PPP4R4: variants seen among roughly 807,000 people sequenced by gnomAD.
PPP4R4 encodes the protein protein phosphatase 4 regulatory subunit 4, also known as serine/threonine-protein phosphatase 4 regulatory subunit 4.
A neutral mutation model predicts 121.8 loss-of-function variants in PPP4R4; 70 were observed. The ratio of observed to expected loss-of-function variants is 0.57; its 90% CI spans 0.47 to 0.70. PPP4R4 has a LOEUF of 0.70. PPP4R4 is among the 30% of genes least tolerant of loss of function. PPP4R4 has a pLI of 0.00. For synonymous variants in PPP4R4, 348 were observed against 355.7 expected, an observed-to-expected ratio of 0.98 and a Z score of 0.24; for missense variants, 875 against 1,033.6, an observed-to-expected ratio of 0.85 and a Z score of 2.10.
rs544471119 is a variant in PPP4R4, at chr14:94,221,893, A to T, written c.295-8694A>T. Among the ~76,000 whole-genome samples the T allele has an allele frequency of 3.3e-5, 5 of 152,254 alleles. No homozygotes were observed. The East Asian group carries it at 9.6e-4, about 29-fold the overall frequency. On this transcript the variant is annotated intron_variant, in intron 3 of 24. Coordinates refer to ENST00000304338, the MANE Select transcript of PPP4R4 (RefSeq NM_058237.2). ...CATCTTTTCATATAAAGTCTTATAC[A>T]TGAATGTTCATTGCAGCTTTACTTG...
chr14:94,206,407 C>G (rs1890462937), intron 2 of PPP4R4, among the ~76,000 whole-genome samples: 1 of 151,952 alleles, frequency 6.6e-6, no homozygotes, highest in East Asian at 1.9e-4. Flanking sequence ...TTTTTAAAAT[C>G]CACTCTGCCA....
chr14:94,235,461 G>A (rs112717992), intron 7 of PPP4R4, among the ~76,000 whole-genome samples: 10,257 of 140,584 alleles, frequency 0.073, 573 homozygotes, highest in Admixed American at 0.17. Flanking sequence ...GTGCAGTGGC[G>A]CGATCTCGGC....
chr14:94,258,200 G>A (rs1893580434), intron 17 of PPP4R4, among the ~76,000 whole-genome samples: 1 of 152,134 alleles, frequency 6.6e-6, no homozygotes, highest in African/African-American at 2.4e-5. Context: ...GGCCATTAGG[G>A]TTACTCTTGT....
At chr14:94,240,443 A>G (rs1892567411) in intron 8 of PPP4R4, among the ~76,000 whole-genome samples, 1 of 152,166 alleles carries the variant, frequency 6.6e-6, no homozygotes, top group African/African-American at 2.4e-5. Flanking sequence ...AATGGCCTGC[A>G]GTATGAAGTC....
intron 3 of PPP4R4, among the ~76,000 whole-genome samples, chr14:94,213,002 T>TA (rs1890824314): frequency 6.6e-6 from 1 of 152,188 alleles, no homozygotes; most frequent in Non-Finnish European, 1.5e-5. Context: ...CAGGCACAGA[T>TA]AAAAATAATG....
At position 94,270,822 on chromosome 14, in the gene PPP4R4, A is replaced by T. The variant is rs543993269; in HGVS notation, c.2449+3793A>T. On this transcript the variant is annotated intron_variant, in intron 23 of 24. Transcript: ENST00000304338. Reference sequence around the variant, plus strand: ...GGTCCCAGATACTCGGGAGGCTGAGACAGGAGAATCGCTTGAACCTGGGAG... The same window carrying T: ...GGTCCCAGATACTCGGGAGGCTGAGTCAGGAGAATCGCTTGAACCTGGGAG... Among the ~76,000 whole-genome samples the T allele has an allele frequency of 5.9e-4, 89 of 151,898 alleles. No individual in the cohort carries two copies. In the South Asian group the frequency reaches 0.018, roughly 31 times the overall value.
intron 3 of PPP4R4, among the ~76,000 whole-genome samples, chr14:94,214,056 A>G (rs772063049): frequency 1.3e-5 from 2 of 152,156 alleles, no homozygotes; most frequent in Admixed American, 6.5e-5. Flanking sequence ...GTTTCTCACT[A>G]TACCCCCGGA....
At chr14:94,271,546 A>T (rs1894329183) in intron 23 of PPP4R4, among the ~76,000 whole-genome samples, 1 of 152,232 alleles carries the variant, frequency 6.6e-6, no homozygotes, top group South Asian at 2.1e-4. Context: ...AAACCTACAG[A>T]TAACATCACA....
intron 2 of PPP4R4, among the ~76,000 whole-genome samples, chr14:94,180,962 C>A (rs1033702): frequency 0.13 from 19,271 of 152,018 alleles, 1,356 homozygotes; most frequent in Admixed American, 0.21. Context: ...TTCTTGGGTT[C>A]AAGACTAGGA....
At chr14:94,206,128 A>C (rs1399885192) in intron 2 of PPP4R4, among the ~76,000 whole-genome samples, 1 of 150,430 alleles carries the variant, frequency 6.6e-6, no homozygotes, top group Non-Finnish European at 1.5e-5. Context: ...CAGTTTTTGC[A>C]TCACATATTT....
intron 2 of PPP4R4, among the ~76,000 whole-genome samples, chr14:94,194,590 A>G (rs943614286): frequency 1.4e-4 from 22 of 151,946 alleles, no homozygotes; most frequent in African/African-American, 5.3e-4. Context: ...CAGTGATGGT[A>G]GCATAGATCC....
intron 2 of PPP4R4, among the ~76,000 whole-genome samples, chr14:94,188,749 G>T (rs1343664337): frequency 2.0e-5 from 3 of 152,132 alleles, no homozygotes; most frequent in African/African-American, 7.2e-5. Context: ...CAAAAAGTCA[G>T]TATGTGAGGT....
At chr14:94,214,693 T>C (rs1401696155) in intron 3 of PPP4R4, among the ~76,000 whole-genome samples, 3 of 152,186 alleles carry the variant, frequency 2.0e-5, no homozygotes, top group African/African-American at 4.8e-5. Context: ...AGCTTAACTT[T>C]ACTTTTTTAA....
At chr14:94,274,898 C>T (rs1465419047) in intron 23 of PPP4R4, among the ~76,000 whole-genome samples, 1 of 152,034 alleles carries the variant, frequency 6.6e-6, no homozygotes, top group African/African-American at 2.4e-5. Flanking sequence ...AAATGTCTAT[C>T]AACAGATATT....
At chr14:94,237,275 A>G (rs768425677) in intron 7 of PPP4R4, among the ~76,000 whole-genome samples, 18 of 152,160 alleles carry the variant, frequency 1.2e-4, no homozygotes, top group Non-Finnish European at 2.1e-4. Flanking sequence ...GGAAAACTAT[A>G]TTATAATTTA....
At chr14:94,174,778 A>G (rs1378150328) in intron 1 of PPP4R4, among the ~76,000 whole-genome samples, 196 bp downstream of exon 1, 1 of 151,474 alleles carries the variant, frequency 6.6e-6, no homozygotes, top group Non-Finnish European at 1.5e-5. Flanking sequence ...CCTTCCTCAG[A>G]GCGGACCGGG....
intron 3 of PPP4R4, among the ~76,000 whole-genome samples, chr14:94,209,758 A>G (rs1462411856): frequency 6.6e-6 from 1 of 152,120 alleles, no homozygotes; most frequent in East Asian, 1.9e-4. Flanking sequence ...AGGAACAGGT[A>G]TTTAGGTCCT....
intron 3 of PPP4R4, among the ~76,000 whole-genome samples, chr14:94,229,954 A>G (rs540206816): frequency 6.6e-6 from 1 of 152,306 alleles, no homozygotes; most frequent in South Asian, 2.1e-4. Flanking sequence ...ACTATAATAT[A>G]GGCTTTAATT....
At chr14:94,255,680 T>C (rs113314045) in intron 16 of PPP4R4, among the ~76,000 whole-genome samples, 1,600 of 152,254 alleles carry the variant, frequency 0.011, 35 homozygotes, top group African/African-American at 0.036. Context: ...CAATGTACCA[T>C]CATCTCTTGC....
Sources: gnomAD v4.1 joint callset for allele counts (sites outside exome capture counted in the v4.1 genomes callset) on GRCh38, gnomAD v4.1.1 for gene constraint, MANE v1.5 for transcripts, NCBI Gene and HGNC (gene_info 2026-07-23, HGNC 2026-07-21) for gene names.